Variants in CERKL observed in about 807,000 individuals in gnomAD.
CERKL encodes the protein ceramide kinase-like protein.
A neutral mutation model predicts 63.4 loss-of-function variants in CERKL; 61 were observed. The observed-to-expected ratio is 0.96, with a 90% confidence interval of 0.78 to 1.19. CERKL has a LOEUF of 1.19. Ranked by LOEUF, CERKL falls within the 50% of genes most tolerant of loss-of-function variation. The pLI, the probability that CERKL is intolerant of heterozygous loss-of-function variation, is 0.00. For missense variants in CERKL, 675 were observed against 655.5 expected (o/e 1.03, Z -0.33); for synonymous variants, 250 against 230.5 (o/e 1.08, Z -0.77).
chr2:181,656,727 A>C (rs1371835470), intron 1 of CERKL, 42 bp downstream of exon 1: 4 of 1,504,890 alleles, frequency 2.7e-6, no homozygotes, highest in Non-Finnish European at 2.7e-6. Flanking sequence ...GAGAGGGAGG[A>C]AGCGCGGAGG....
At chr2:181,538,296 C>CACCTAATAAG in intron 12 of CERKL, 52 bp from the exon 13 acceptor site, 3 of 1,061,694 alleles carry the variant, frequency 2.8e-6, no homozygotes, top group Middle Eastern at 2.4e-4. Flanking sequence ...TTTTCACATA[C>CACCTAATAAG]ACCTAATAAG....
At chr2:181,595,130 C>G (rs1211730443) in intron 2 of CERKL, among the ~76,000 whole-genome samples, 1 of 152,126 alleles carries the variant, frequency 6.6e-6, no homozygotes, top group Non-Finnish European at 1.5e-5. Context: ...TGTAGATTTA[C>G]AGAATTTGTG....
rs1381359636 is a variant in CERKL, at chr2:181,657,031, G to A, written c.-25C>T. On this transcript the variant is annotated 5_prime_UTR_variant, in exon 1 of 13. Transcript: ENST00000410087. ...TGGCGGAGTCGCAGGCTGGGCCCGA[G>A]CCAGGGGTCCGGGGAGGCCTTTGGA... 3 of 1,561,322 alleles carry A rather than the reference G, an allele frequency of 1.9e-6. No individual in the cohort carries two copies. Among genetic ancestry groups the A allele is most frequent in the Admixed American group, 3.6e-5 (2 of 54,936 alleles).
At chr2:181,597,203 G>A (rs1486093624) in intron 2 of CERKL, among the ~76,000 whole-genome samples, 3 of 152,036 alleles carry the variant, frequency 2.0e-5, no homozygotes, top group Non-Finnish European at 4.4e-5. Flanking sequence ...CTTTTATTGA[G>A]CAAATTTTAC....
chr2:181,613,059 T>C (rs1278799407), intron 1 of CERKL, among the ~76,000 whole-genome samples: 2 of 152,200 alleles, frequency 1.3e-5, no homozygotes, highest in African/African-American at 4.8e-5. Flanking sequence ...TTAGCAATTT[T>C]CAAGTATACA....
At chr2:181,563,301 C>G (rs1202863215) in intron 4 of CERKL, among the ~76,000 whole-genome samples, 1 of 151,944 alleles carries the variant, frequency 6.6e-6, no homozygotes, top group Non-Finnish European at 1.5e-5. Context: ...AGAAATGTCA[C>G]AAGATGTCTC....
chr2:181,609,959 A>G (rs1309375233), intron 1 of CERKL, among the ~76,000 whole-genome samples: 1 of 152,170 alleles, frequency 6.6e-6, no homozygotes, highest in Non-Finnish European at 1.5e-5. Context: ...CAATATTTGT[A>G]TATTAGAAAT....
Position 181,587,512 on chromosome 2 carries a change from A to G in CERKL, c.482-13628T>C, listed in dbSNP as rs190810450. Reference sequence around the variant, plus strand: ...AATGAATTTTTACTCATTTTAGAAGATGCTATAGAGTAGACCTATTTAACT... The same window carrying G: ...AATGAATTTTTACTCATTTTAGAAGGTGCTATAGAGTAGACCTATTTAACT... On this transcript the variant is annotated intron_variant, in intron 2 of 12. Transcript: ENST00000410087. Among the ~76,000 whole-genome samples, 105 of 152,296 alleles carry G rather than the reference A, an allele frequency of 6.9e-4. 1 individual carries two copies. The highest frequency in any genetic ancestry group is 2.5e-3 in the African/African-American group (103 of 41,562).
At chr2:181,544,624 G>T (rs565668147) in intron 11 of CERKL, 76 bp downstream of exon 11, 43 of 802,450 alleles carry the variant, frequency 5.4e-5, no homozygotes, top group African/African-American at 7.0e-5. Flanking sequence ...GGCAGGATTC[G>T]ATGTCAATTC....
intron 1 of CERKL, among the ~76,000 whole-genome samples, chr2:181,652,095 T>A (rs1687963205): frequency 6.6e-6 from 1 of 152,158 alleles, no homozygotes; most frequent in Non-Finnish European, 1.5e-5. Flanking sequence ...GATCTATGGA[T>A]TTAATGCAAT....
chr2:181,555,002 G>C (rs993399292), intron 5 of CERKL, among the ~76,000 whole-genome samples: 1 of 152,052 alleles, frequency 6.6e-6, no homozygotes, highest in Non-Finnish European at 1.5e-5. Context: ...GGTTAAAATG[G>C]CATTACTACA....
At chr2:181,623,146 T>C (rs1021532877) in intron 1 of CERKL, among the ~76,000 whole-genome samples, 6 of 152,358 alleles carry the variant, frequency 3.9e-5, no homozygotes, top group Non-Finnish European at 7.3e-5. Flanking sequence ...ATGAATGTAG[T>C]AAAAATTTTA....
intron 8 of CERKL, chr2:181,548,296 G>C (rs1687823029): frequency 3.7e-6 from 2 of 544,948 alleles, no homozygotes; most frequent in Non-Finnish European, 6.4e-6. Context: ...GGGAAGGGAA[G>C]GGAAAAAGAG....
intron 5 of CERKL, among the ~76,000 whole-genome samples, chr2:181,555,904 C>T (rs1688182238): frequency 6.6e-6 from 1 of 151,972 alleles, no homozygotes; most frequent in Non-Finnish European, 1.5e-5. Flanking sequence ...AGGCGCACAC[C>T]ACCATGCCCA....
intron 1 of CERKL, among the ~76,000 whole-genome samples, chr2:181,620,134 T>C (rs1686383604): frequency 6.6e-6 from 1 of 152,210 alleles, no homozygotes; most frequent in South Asian, 2.1e-4. Flanking sequence ...CTTGCTGGAC[T>C]GTAGGAACAG....
At chr2:181,605,510 G>A (rs1296130488) in intron 1 of CERKL, among the ~76,000 whole-genome samples, 1 of 152,190 alleles carries the variant, frequency 6.6e-6, no homozygotes, top group African/African-American at 2.4e-5. Context: ...TAAGTATTTA[G>A]AAGAGTATTG....
chr2:181,620,506 A>C (rs1686401409), intron 1 of CERKL, among the ~76,000 whole-genome samples: 1 of 152,228 alleles, frequency 6.6e-6, no homozygotes, highest in South Asian at 2.1e-4. Flanking sequence ...TAAGATGACA[A>C]AAAAGTATTC....
At chr2:181,650,208 G>A (rs569318855) in intron 1 of CERKL, 1 of 151,908 alleles carries the variant, frequency 6.6e-6, no homozygotes, top group East Asian at 1.9e-4. Context: ...AATCAACAAT[G>A]AGAAAAACTG....
Position 181,537,534 on chromosome 2 carries a change from A to ACTGCTCTGGATTAG in CERKL, c.*636_*649dup. 2 of 448,580 alleles carry ACTGCTCTGGATTAG rather than the reference A, an allele frequency of 4.5e-6. No individual in the cohort carries two copies. The highest frequency in any genetic ancestry group is 9.0e-6 in the Non-Finnish European group (2 of 223,430). 27.8% of individuals were successfully genotyped at this position (448,580 alleles called of 1,614,324 possible). ...TATAACTATGTGATTTTGAAATTTA[A>ACTGCTCTGGATTAG]CTGCTCTGGATTAGGGAGCAGTGAA... is the stretch of plus-strand genomic sequence containing the variant. On this transcript the variant is annotated 3_prime_UTR_variant, in exon 13 of 13. Coordinates refer to ENST00000410087, the MANE Select transcript of CERKL (RefSeq NM_201548.5).
Sources: allele counts gnomAD v4.1 joint callset (sites outside exome capture counted in the v4.1 genomes callset), GRCh38; gene constraint gnomAD v4.1.1; transcripts MANE v1.5; gene names NCBI Gene and HGNC (gene_info 2026-07-23, HGNC 2026-07-21).